SPTSSB: variants seen among roughly 807,000 people sequenced by gnomAD.
SPTSSB encodes serine palmitoyltransferase small subunit B, also known as androgen down regulated in mouse prostate.
Under a neutral mutation model 7.7 loss-of-function variants are expected in SPTSSB, and 6 were observed. The observed-to-expected ratio is 0.78, with a 90% CI of 0.43 to 1.54. SPTSSB has a LOEUF of 1.54. Ranked by LOEUF, SPTSSB falls within the 40% of genes most tolerant of loss-of-function variation. The pLI, the probability that SPTSSB is intolerant of heterozygous loss-of-function variation, is 0.01. For missense variants in SPTSSB, 91 were observed against 93.0 expected, an observed-to-expected ratio of 0.98 and a Z score of 0.09; for synonymous variants, 28 against 29.7, an observed-to-expected ratio of 0.94 and a Z score of 0.19.
intron 1 of SPTSSB, among the ~76,000 whole-genome samples, chr3:161,369,952 A>G (rs2108171996): frequency 6.6e-6 from 1 of 152,344 alleles, no homozygotes; most frequent in Middle Eastern, 3.4e-3. Flanking sequence ...AATTACCAGG[A>G]ACTTTAAATG....
intron 2 of SPTSSB, among the ~76,000 whole-genome samples, chr3:161,358,396 T>C (rs1048402189): frequency 3.3e-5 from 5 of 152,154 alleles, no homozygotes; most frequent in African/African-American, 1.2e-4. Flanking sequence ...TTCTTACTAA[T>C]TTTGTGACCC....
In SPTSSB at chr3:161,346,155, T is replaced by C; in HGVS notation, c.169A>G (p.Ile57Val). The C allele has an allele frequency of 6.2e-7, 1 of 1,612,594 alleles. No individual in the cohort carries two copies. The highest frequency in any genetic ancestry group is 8.5e-7 in the Non-Finnish European group (1 of 1,178,614). Residue 57 changes from isoleucine to valine, a missense_variant, in exon 3 of 3, where the codon ATT becomes GTT. Transcript: ENST00000620149. ...YTAYVFIPIH[I>V]RLAWEFFSKI... ...GAGAAAAATTCCCAAGCCAGGCGAATGTGGATTGGAATAAAGACATAGGCA... is the reference window on the plus strand; with the variant it reads ...GAGAAAAATTCCCAAGCCAGGCGAACGTGGATTGGAATAAAGACATAGGCA...
chr3:161,346,293 A>G lies in SPTSSB; in HGVS notation c.31T>C (p.Ser11Pro). 6.2e-7 allele frequency: 1 copy of G among 1,613,712 alleles called. No homozygotes were observed. The highest frequency in any genetic ancestry group is 8.5e-7 in the Non-Finnish European group (1 of 1,179,670). Residue 11 changes from serine to proline, a missense_variant, in exon 3 of 3, where the codon TCC becomes CCC. Coordinates refer to ENST00000620149, the MANE Select transcript of SPTSSB (RefSeq NM_001040100.2). ...ATTTGGTATTGATAGTAGAGCCAGGAGAAATATTCCTTCACACGCCTCAAA... is the reference window on the plus strand; with the variant it reads ...ATTTGGTATTGATAGTAGAGCCAGGGGAAATATTCCTTCACACGCCTCAAA... MDLRRVKEYFSWLYYQYQIIS... is the reference protein window; with the variant it reads MDLRRVKEYFPWLYYQYQIIS...
chr3:161,348,887 G>T (rs1714390464), intron 2 of SPTSSB, among the ~76,000 whole-genome samples: 1 of 152,026 alleles, frequency 6.6e-6, no homozygotes, highest in Non-Finnish European at 1.5e-5. Flanking sequence ...AGGGAGAGTT[G>T]GTTATTATTG....
At position 161,370,277 on chromosome 3, in the gene SPTSSB, C is replaced by T. The variant is rs1000159549; in HGVS notation, c.-126+1158G>A. On this transcript the variant is annotated intron_variant, in intron 1 of 2. Transcript: ENST00000620149. ...ATCGACTTTCAACTTCAAATCTAGT[C>T]GAATTCTAGAATGACCATGCTTTGT... Among the ~76,000 whole-genome samples the T allele has an allele frequency of 2.0e-5, 3 of 151,982 alleles. 1 individual carries two copies. The South Asian group carries it at 6.4e-4, about 32-fold the overall frequency.
intron 2 of SPTSSB, among the ~76,000 whole-genome samples, chr3:161,358,029 G>A (rs960624992): frequency 2.7e-5 from 4 of 149,434 alleles, no homozygotes; most frequent in African/African-American, 9.9e-5. Flanking sequence ...CTCTTTGCAG[G>A]CAATAGAAAC....
At chr3:161,350,992 G>A (rs1046290469) in intron 2 of SPTSSB, among the ~76,000 whole-genome samples, 7 of 152,030 alleles carry the variant, frequency 4.6e-5, no homozygotes, top group African/African-American at 1.7e-4. Flanking sequence ...CATTAGAGGG[G>A]CATTCTACAA....
chr3:161,365,665 C>G (rs1174722463), intron 1 of SPTSSB, among the ~76,000 whole-genome samples: 1 of 152,202 alleles, frequency 6.6e-6, no homozygotes, highest in African/African-American at 2.4e-5. Flanking sequence ...CATAATAACT[C>G]CCTTGTGACA....
intron 2 of SPTSSB, among the ~76,000 whole-genome samples, chr3:161,346,730 G>C (rs1162284310): frequency 6.6e-6 from 1 of 152,198 alleles, no homozygotes; most frequent in Non-Finnish European, 1.5e-5. Flanking sequence ...CTCTGAGGAA[G>C]AGACTTTTGA....
chr3:161,353,850 C>G (rs1180425274), intron 2 of SPTSSB, among the ~76,000 whole-genome samples: 1 of 152,052 alleles, frequency 6.6e-6, no homozygotes, highest in Non-Finnish European at 1.5e-5. Flanking sequence ...AAATTCCATC[C>G]TTGTTTAAAC....
chr3:161,353,682 C>T (rs964423665), intron 2 of SPTSSB, among the ~76,000 whole-genome samples: 1 of 152,112 alleles, frequency 6.6e-6, no homozygotes, highest in Middle Eastern at 3.2e-3. Flanking sequence ...GTATCGGACA[C>T]ATGAATGTGG....
At chr3:161,350,345 T>C (rs1279311573) in intron 2 of SPTSSB, among the ~76,000 whole-genome samples, 1 of 152,164 alleles carries the variant, frequency 6.6e-6, no homozygotes, top group Admixed American at 6.5e-5. Flanking sequence ...CATTAAGGAA[T>C]TTCCTATTCT....
chr3:161,354,092 C>G lies in SPTSSB; in HGVS notation c.-33+5710G>C, dbSNP rs1383713930. ...AATTAAGGAACTTTCTCTACACATTCATTAGTTGGATAATTTTATAGACCC... is the reference window on the plus strand; with the variant it reads ...AATTAAGGAACTTTCTCTACACATTGATTAGTTGGATAATTTTATAGACCC... On this transcript the variant is annotated intron_variant, in intron 2 of 2. Coordinates refer to ENST00000620149, the MANE Select transcript of SPTSSB (RefSeq NM_001040100.2). 2.6e-5 allele frequency among the ~76,000 whole-genome samples: 4 copies of G among 152,170 alleles called. No homozygotes were observed. The East Asian group carries it at 7.7e-4, about 29-fold the overall frequency.
chr3:161,369,834 G>A (rs1715432295), intron 1 of SPTSSB, among the ~76,000 whole-genome samples: 1 of 152,180 alleles, frequency 6.6e-6, no homozygotes, highest in Admixed American at 6.5e-5. Context: ...ACTGGAGAGG[G>A]TGGGGAAATA....
intron 2 of SPTSSB, chr3:161,359,199 T>A (rs1344482513): frequency 6.6e-6 from 1 of 152,194 alleles, no homozygotes; most frequent in Non-Finnish European, 1.5e-5. Context: ...ACATTAGGCA[T>A]CTTCATTTTA....
chr3:161,363,587 A>G (rs1413648187), intron 1 of SPTSSB, among the ~76,000 whole-genome samples: 2 of 152,088 alleles, frequency 1.3e-5, no homozygotes, highest in South Asian at 2.1e-4. Context: ...ATAAAATATT[A>G]TGAAAAATAT....
chr3:161,369,385 C>CTTTTTT (rs71149710), intron 1 of SPTSSB, among the ~76,000 whole-genome samples: 2 of 29,648 alleles, frequency 6.7e-5, no homozygotes, highest in Non-Finnish European at 1.2e-4. Context: ...TCTTTCTTTC[C>CTTTTTT]TTTTTTTTTT....
chr3:161,364,647 G>C (rs914678069), intron 1 of SPTSSB, among the ~76,000 whole-genome samples: 1 of 151,686 alleles, frequency 6.6e-6, no homozygotes, highest in African/African-American at 2.4e-5. Flanking sequence ...ATAAGACTAA[G>C]CTTCAAATAA....
At chr3:161,358,173 C>T (rs1714860220) in intron 2 of SPTSSB, among the ~76,000 whole-genome samples, 1 of 151,748 alleles carries the variant, frequency 6.6e-6, no homozygotes. Flanking sequence ...GCACCACTGC[C>T]CCCGGCAGAA....
Sources: gnomAD v4.1 joint callset for allele counts (sites outside exome capture counted in the v4.1 genomes callset) on GRCh38, gnomAD v4.1.1 for gene constraint, MANE v1.5 for transcripts, NCBI Gene and HGNC (gene_info 2026-07-23, HGNC 2026-07-21) for gene names.